Variants in RBMS3 observed in about 807,000 individuals in gnomAD.
The protein encoded by RBMS3 is RNA-binding motif, single-stranded-interacting protein 3.
A neutral mutation model predicts 66.8 loss-of-function variants in RBMS3; 27 were observed. That is an observed-to-expected ratio of 0.40 (90% CI 0.30 to 0.56). RBMS3 has a LOEUF of 0.56. RBMS3 is among the 20% of genes least tolerant of loss of function. RBMS3 has a pLI of 0.40. For synonymous variants in RBMS3, 188 were observed against 183.0 expected (o/e 1.03, Z -0.22); for missense variants, 513 against 549.5 (o/e 0.93, Z 0.66).
chr3:29,299,129 G>A (rs992799883), intron 1 of RBMS3, among the ~76,000 whole-genome samples: 2 of 151,938 alleles, frequency 1.3e-5, no homozygotes, highest in Non-Finnish European at 2.9e-5. Flanking sequence ...CTTGGGCCAG[G>A]TTTGAGGTGG....
Position 29,420,947 on chromosome 3 carries a change from G to GCAAAA in RBMS3, c.76-13796_76-13795insCAAAA, listed in dbSNP as rs777463375. Among the ~76,000 whole-genome samples, 13 of 125,448 alleles carry GCAAAA rather than the reference G, an allele frequency of 1.0e-4. No homozygotes were observed. The East Asian group carries it at 1.2e-3, about 11-fold the overall frequency. 82.3% of individuals were successfully genotyped at this position (125,448 alleles called of 152,430 possible). A position where few individuals can be genotyped will look rare whatever the true frequency, so the allele number is the denominator to read the frequency against. ...GTGAAACCCCGTCTCTACTAAAAATGAAAAAAAAAAAAAAAATTAACTGGG... is the reference window on the plus strand; with the variant it reads ...GTGAAACCCCGTCTCTACTAAAAATGCAAAAAAAAAAAAAAAAAAAATTAACTGGG... On this transcript the variant is annotated intron_variant, in intron 1 of 14. Coordinates refer to ENST00000383767, the MANE Select transcript of RBMS3 (RefSeq NM_001003793.3).
intron 14 of RBMS3, among the ~76,000 whole-genome samples, chr3:29,997,018 T>C (rs531294594): frequency 3.9e-3 from 598 of 151,642 alleles, no homozygotes; most frequent in African/African-American, 0.014. Flanking sequence ...GATAGACCGC[T>C]AGCAAGACTA....
At chr3:29,718,915 C>T (rs927412012) in intron 4 of RBMS3, among the ~76,000 whole-genome samples, 2 of 152,196 alleles carry the variant, frequency 1.3e-5, no homozygotes, top group African/African-American at 4.8e-5. Context: ...TTAATGACAG[C>T]ATTCCTCCGT....
At chr3:29,282,777 C>T (rs2031924019) in intron 1 of RBMS3, among the ~76,000 whole-genome samples, 1 of 152,068 alleles carries the variant, frequency 6.6e-6, no homozygotes, top group Non-Finnish European at 1.5e-5. Flanking sequence ...CCTGAATGAT[C>T]TATGCTGTCA....
chr3:29,326,729 C>A (rs9829985), intron 1 of RBMS3, among the ~76,000 whole-genome samples: 33,427 of 149,358 alleles, frequency 0.22, 4,037 homozygotes, highest in Non-Finnish European at 0.29. Context: ...TTACTACTGG[C>A]ATCCTTTTTT....
Position 29,334,521 on chromosome 3 carries a change from G to T in RBMS3, c.75+52765G>T, listed in dbSNP as rs149049660. On this transcript the variant is annotated intron_variant, in intron 1 of 14. Coordinates refer to ENST00000383767, the MANE Select transcript of RBMS3 (RefSeq NM_001003793.3). ...CTTAATAGTTTAATTTTTTTTTGCAGCTGTGAGGCAGCAGATGATAAATCA... is the reference window on the plus strand; with the variant it reads ...CTTAATAGTTTAATTTTTTTTTGCATCTGTGAGGCAGCAGATGATAAATCA... 6.8e-3 allele frequency among the ~76,000 whole-genome samples: 1,038 copies of T among 151,720 alleles called. 12 individuals carry two copies. The highest frequency in any genetic ancestry group is 0.024 in the African/African-American group (997 of 41,390).
At chr3:29,295,097 A>C (rs750613115) in intron 1 of RBMS3, among the ~76,000 whole-genome samples, 1 of 151,502 alleles carries the variant, frequency 6.6e-6, no homozygotes, top group Non-Finnish European at 1.5e-5. Context: ...TTTTCTCACT[A>C]AGGAATATCT....
At chr3:29,566,466 G>A (rs939726747) in intron 3 of RBMS3, among the ~76,000 whole-genome samples, 5 of 152,046 alleles carry the variant, frequency 3.3e-5, no homozygotes, top group Admixed American at 2.0e-4. Flanking sequence ...TGCCTGTCCT[G>A]CACTGTTCTA....
chr3:29,371,944 A>T (rs2038226396), intron 1 of RBMS3, among the ~76,000 whole-genome samples: 1 of 152,150 alleles, frequency 6.6e-6, no homozygotes, highest in Non-Finnish European at 1.5e-5. Flanking sequence ...TTTATTAATC[A>T]TTTGAACATT....
At chr3:29,624,812 G>A in intron 4 of RBMS3, among the ~76,000 whole-genome samples, 1 of 152,144 alleles carries the variant, frequency 6.6e-6, no homozygotes, top group East Asian at 1.9e-4. Context: ...AGAAGGTTCA[G>A]TGTATGACGA....
intron 4 of RBMS3, among the ~76,000 whole-genome samples, chr3:29,679,114 C>T (rs898801284): frequency 2.6e-5 from 4 of 152,022 alleles, no homozygotes; most frequent in Non-Finnish European, 5.9e-5. Context: ...CCACCTAGAC[C>T]TGCTAAATTA....
chr3:29,812,219 C>T (rs2057749192), intron 6 of RBMS3, among the ~76,000 whole-genome samples: 1 of 151,896 alleles, frequency 6.6e-6, no homozygotes. Flanking sequence ...GGATACAAGC[C>T]CCTTAGATAA....
At chr3:30,002,194 A>G (rs1699643199) in intron 14 of RBMS3, among the ~76,000 whole-genome samples, 1 of 152,026 alleles carries the variant, frequency 6.6e-6, no homozygotes, top group South Asian at 2.1e-4. Context: ...AAATATATCA[A>G]TGCTTTTGAG....
At chr3:29,492,474 G>T (rs2043586870) in intron 3 of RBMS3, among the ~76,000 whole-genome samples, 1 of 152,102 alleles carries the variant, frequency 6.6e-6, no homozygotes, top group Admixed American at 6.5e-5. Flanking sequence ...ATGTTTATTG[G>T]AATTGCCAAG....
At chr3:29,506,416 C>T (rs1311088284) in intron 3 of RBMS3, among the ~76,000 whole-genome samples, 4 of 151,962 alleles carry the variant, frequency 2.6e-5, no homozygotes, top group Admixed American at 2.0e-4. Flanking sequence ...CTTTACATCA[C>T]TGGAATAAAT....
At chr3:29,296,861 A>G (rs367601810) in intron 1 of RBMS3, among the ~76,000 whole-genome samples, 2 of 150,268 alleles carry the variant, frequency 1.3e-5, no homozygotes, top group African/African-American at 2.4e-5. Flanking sequence ...TTCCTTCCCA[A>G]GGACCTGAAA....
intron 6 of RBMS3, among the ~76,000 whole-genome samples, chr3:29,868,363 C>T (rs1489460251): frequency 3.3e-5 from 5 of 152,054 alleles, no homozygotes; most frequent in Non-Finnish European, 7.4e-5. Flanking sequence ...CAGCTTCTAG[C>T]CATTTAGAAA....
At chr3:29,624,840 G>GAA (rs2049001432) in intron 4 of RBMS3, among the ~76,000 whole-genome samples, 1 of 152,140 alleles carries the variant, frequency 6.6e-6, no homozygotes, top group Non-Finnish European at 1.5e-5. Flanking sequence ...TGAAGGAAAG[G>GAA]AATGTATCTC....
chr3:29,490,365 G>C (rs114971920), intron 3 of RBMS3, among the ~76,000 whole-genome samples: 2,124 of 152,144 alleles, frequency 0.014, 22 homozygotes, highest in Non-Finnish European at 0.023. Flanking sequence ...TAGGGTAATA[G>C]GAAGGGGTTC....
Sources: allele counts gnomAD v4.1 joint callset (sites outside exome capture counted in the v4.1 genomes callset), GRCh38; gene constraint gnomAD v4.1.1; transcripts MANE v1.5; gene names NCBI Gene and HGNC (gene_info 2026-07-23, HGNC 2026-07-21).